KDM4C: variants seen among roughly 807,000 people sequenced by gnomAD.
KDM4C encodes the protein lysine demethylase 4C.
KDM4C carries 81 observed loss-of-function variants against 129.3 expected under a neutral mutation model. The observed-to-expected ratio is 0.63, with a 90% CI of 0.52 to 0.75. KDM4C has a LOEUF of 0.75. KDM4C is among the 30% of genes least tolerant of loss of function. KDM4C has a pLI of 0.00. For synonymous variants in KDM4C, 573 were observed against 456.1 expected, an observed-to-expected ratio of 1.26 and a Z score of -3.26; for missense variants, 1,457 against 1,304.0, an observed-to-expected ratio of 1.12 and a Z score of -1.81.
At chr9:7,101,586 C>T (rs1024245943) in intron 17 of KDM4C, among the ~76,000 whole-genome samples, 3 of 152,190 alleles carry the variant, frequency 2.0e-5, no homozygotes, top group Non-Finnish European at 4.4e-5. Flanking sequence ...TAGAAGTCCC[C>T]ACTTCTGGTC....
At chr9:6,889,857 C>T (rs1216897420) in intron 7 of KDM4C, among the ~76,000 whole-genome samples, 2 of 152,158 alleles carry the variant, frequency 1.3e-5, no homozygotes, top group Non-Finnish European at 2.9e-5. Flanking sequence ...GGAGGGAGGC[C>T]TCTGGAGCTT....
At chr9:6,814,278 T>C (rs1454618179) in intron 3 of KDM4C, among the ~76,000 whole-genome samples, 5 of 152,188 alleles carry the variant, frequency 3.3e-5, no homozygotes, top group Non-Finnish European at 7.4e-5. Context: ...CTAAGTGTTA[T>C]GTCATTTTTA....
chr9:6,923,271 T>G (rs1204613341), intron 8 of KDM4C, among the ~76,000 whole-genome samples: 1 of 152,154 alleles, frequency 6.6e-6, no homozygotes, highest in African/African-American at 2.4e-5. Context: ...CAAAGAATGT[T>G]GCACTGTTGC....
rs373365538 is a variant in KDM4C, at chr9:6,875,546, A to G, written c.630-4466A>G. Among the ~76,000 whole-genome samples, 33 of 152,334 alleles carry G rather than the reference A, an allele frequency of 2.2e-4. No homozygotes were observed. The East Asian group carries it at 5.4e-3, about 25-fold the overall frequency. On this transcript the variant is annotated intron_variant, in intron 5 of 21. Coordinates refer to ENST00000381309, the MANE Select transcript of KDM4C (RefSeq NM_015061.6). Reference sequence around the variant, plus strand: ...AAGTGGGTAATGATACTTATTTCAGATGTAAGATAAGTATCCCAGAGTTGA... The same window carrying G: ...AAGTGGGTAATGATACTTATTTCAGGTGTAAGATAAGTATCCCAGAGTTGA...
chr9:6,867,724 G>A (rs1003696056), intron 5 of KDM4C, among the ~76,000 whole-genome samples: 1 of 152,160 alleles, frequency 6.6e-6, no homozygotes, highest in Non-Finnish European at 1.5e-5. Context: ...ACCTGTGTCA[G>A]GTATTGAGCT....
chr9:6,725,731 A>G (rs1817103384), intron 1 of KDM4C, among the ~76,000 whole-genome samples: 1 of 96,458 alleles, frequency 1.0e-5, no homozygotes, highest in Non-Finnish European at 2.0e-5. Flanking sequence ...TTTTTTTGAG[A>G]CAGAGTCTGG....
intron 17 of KDM4C, among the ~76,000 whole-genome samples, chr9:7,061,567 T>C (rs1339332595): frequency 1.3e-5 from 2 of 152,144 alleles, no homozygotes; most frequent in African/African-American, 2.4e-5. Context: ...ACTGGTCAGG[T>C]TCTCTAGAGA....
intron 8 of KDM4C, among the ~76,000 whole-genome samples, chr9:6,947,498 G>T (rs1409212866): frequency 6.6e-6 from 1 of 151,846 alleles, no homozygotes; most frequent in Non-Finnish European, 1.5e-5. Context: ...TCAGCATTTT[G>T]TTTTATGCTC....
rs371094033 is a variant in KDM4C, at chr9:6,721,796, G to GC, written c.49+801dup. Reference sequence around the variant, plus strand: ...GTAGAGACTGGGTTTCATCATATTGGCCATGCTGGTCTCAAACTCCTGACC... The same window carrying GC: ...GTAGAGACTGGGTTTCATCATATTGGCCCATGCTGGTCTCAAACTCCTGACC... On this transcript the variant is annotated intron_variant, in intron 1 of 17. Transcript: ENST00000536108. Among the ~76,000 whole-genome samples, 658 of 150,628 alleles carry GC rather than the reference G, an allele frequency of 4.4e-3. 4 individuals are homozygous for GC. The highest frequency in any genetic ancestry group is 6.8e-3 in the Non-Finnish European group (463 of 67,732).
At chr9:7,033,955 A>G (rs1050327062) in intron 15 of KDM4C, among the ~76,000 whole-genome samples, 2 of 151,774 alleles carry the variant, frequency 1.3e-5, no homozygotes, top group Non-Finnish European at 2.9e-5. Context: ...CAGTGCAGGC[A>G]TTTCTCTTGA....
chr9:7,022,394 ATTTAC>A (rs1400122391), intron 15 of KDM4C, among the ~76,000 whole-genome samples: 1 of 151,788 alleles, frequency 6.6e-6, no homozygotes, highest in Non-Finnish European at 1.5e-5. Flanking sequence ...AATCCTAGGT[ATTTAC>A]TTTTCTTTGT....
chr9:6,998,764 C>G (rs1235232819), intron 12 of KDM4C, among the ~76,000 whole-genome samples: 2 of 152,046 alleles, frequency 1.3e-5, no homozygotes, highest in African/African-American at 4.8e-5. Context: ...CTATTGCACT[C>G]CAGCCTGGGC....
At chr9:6,865,852 G>A (rs192057667) in intron 5 of KDM4C, among the ~76,000 whole-genome samples, 2 of 151,990 alleles carry the variant, frequency 1.3e-5, no homozygotes, top group East Asian at 1.9e-4. Context: ...CCGGGTTCAC[G>A]CCATTCTCCT....
intron 15 of KDM4C, among the ~76,000 whole-genome samples, chr9:7,019,516 G>A (rs1477207186): frequency 1.3e-5 from 2 of 151,462 alleles, no homozygotes; most frequent in African/African-American, 2.4e-5. Context: ...TATTCCTATA[G>A]CATATTCAGT....
At chr9:7,148,594 C>G (rs1175637886) in intron 19 of KDM4C, among the ~76,000 whole-genome samples, 4 of 152,230 alleles carry the variant, frequency 2.6e-5, no homozygotes, top group Admixed American at 2.6e-4. Context: ...GTGAGGCAGC[C>G]AGGAACGTGT....
chr9:6,820,533 C>G (rs1832842059), intron 4 of KDM4C, among the ~76,000 whole-genome samples: 1 of 152,006 alleles, frequency 6.6e-6, no homozygotes, highest in African/African-American at 2.4e-5. Context: ...GTCTCTTAGC[C>G]CCAGGCAAAT....
chr9:6,974,442 C>T (rs901451638), intron 8 of KDM4C, among the ~76,000 whole-genome samples: 6 of 152,180 alleles, frequency 3.9e-5, no homozygotes, highest in African/African-American at 1.2e-4. Context: ...TCACTGCAAC[C>T]TACGCCTCTT....
At chr9:7,113,553 T>C (rs898766270) in intron 18 of KDM4C, among the ~76,000 whole-genome samples, 3 of 152,218 alleles carry the variant, frequency 2.0e-5, no homozygotes, top group African/African-American at 7.2e-5. Flanking sequence ...CTTCTCTCCC[T>C]GTGCTTTCTG....
chr9:6,763,173 C>G (rs559250567), intron 1 of KDM4C, among the ~76,000 whole-genome samples: 58 of 152,250 alleles, frequency 3.8e-4, no homozygotes, highest in Middle Eastern at 3.4e-3. Flanking sequence ...TGCTTCAAGG[C>G]TGCTTTCTCT....
Sources: gnomAD v4.1 joint callset for allele counts (sites outside exome capture counted in the v4.1 genomes callset) on GRCh38, gnomAD v4.1.1 for gene constraint, MANE v1.5 for transcripts, NCBI Gene and HGNC (gene_info 2026-07-23, HGNC 2026-07-21) for gene names.